SCN8A: variants seen among roughly 807,000 people sequenced by gnomAD.
SCN8A encodes sodium voltage-gated channel alpha subunit 8.
In SCN8A, 30 loss-of-function variants were observed where a neutral mutation model predicts 184.1. The observed-to-expected ratio is 0.16, with a 90% CI of 0.12 to 0.22. The LOEUF (loss-of-function observed/expected upper bound fraction) is 0.22, where lower values mean the gene tolerates loss of function less well. Among genes scored for constraint, SCN8A ranks in the 10% least tolerant of loss-of-function variants. The pLI is 1.00. For missense variants in SCN8A, 1,057 were observed against 2,498.9 expected (o/e 0.42, Z 12.30); for synonymous variants, 852 against 907.0 (o/e 0.94, Z 1.09).
chr12:51,639,973 T>C (rs1471945478), intron 1 of SCN8A, among the ~76,000 whole-genome samples: 1 of 126,360 alleles, frequency 7.9e-6, no homozygotes, highest in Non-Finnish European at 1.6e-5. Context: ...AGTGGCCCAA[T>C]CATGGCCCAC....
At chr12:51,591,452 T>A (rs1435555652) in intron 1 of SCN8A, 93 bp downstream of exon 1, 1 of 152,676 alleles carries the variant, frequency 6.5e-6, no homozygotes, top group Non-Finnish European at 1.5e-5. Context: ...CTCGCCCATC[T>A]CCAGTCAGGG....
chr12:51,706,670 G>T lies in SCN8A; in HGVS notation c.1590G>T (p.Arg530=). 3 of 1,595,524 alleles carry T rather than the reference G, an allele frequency of 1.9e-6. No individual in the cohort carries two copies. The highest frequency in any genetic ancestry group is 2.3e-5 in the South Asian group (2 of 86,870). Residue 530 remains arginine, a synonymous_variant, in exon 11 of 27, where the codon CGG becomes CGT. Coordinates refer to ENST00000627620, the MANE Select transcript of SCN8A (RefSeq NM_001330260.2). ...ATGGCATGAGAAGGAAGGCCTTTCG[G>T]CTGCCAGACAACAGAATAGGGAGGA... ...SEDGMRRKAF[R]LPDNRIGRKF... is the part of the protein sequence containing the mutation.
intron 10 of SCN8A, among the ~76,000 whole-genome samples, chr12:51,705,905 T>C (rs932544775): frequency 1.3e-5 from 2 of 152,216 alleles, no homozygotes; most frequent in African/African-American, 2.4e-5. Flanking sequence ...GGGCAGTTTA[T>C]ATAGTGTTTC....
chr12:51,775,714 T>G (rs58170618), intron 20 of SCN8A, among the ~76,000 whole-genome samples: 4,717 of 152,262 alleles, frequency 0.031, 226 homozygotes, highest in African/African-American at 0.11. Context: ...GTTCTCTTTC[T>G]GGAGAAAGGG....
chr12:51,670,443 C>T (rs1334086842), intron 2 of SCN8A, among the ~76,000 whole-genome samples: 2 of 152,088 alleles, frequency 1.3e-5, no homozygotes, highest in South Asian at 2.1e-4. Flanking sequence ...AAGAAAAATC[C>T]AGGTCATCTA....
intron 13 of SCN8A, among the ~76,000 whole-genome samples, 195 bp downstream of exon 13, chr12:51,746,230 C>T (rs1042923017): frequency 6.6e-6 from 1 of 152,110 alleles, no homozygotes; most frequent in Non-Finnish European, 1.5e-5. Context: ...AATATATGGG[C>T]TTCAGATATG....
At chr12:51,675,888 G>A (rs1284309576) in intron 2 of SCN8A, among the ~76,000 whole-genome samples, 3 of 152,188 alleles carry the variant, frequency 2.0e-5, no homozygotes, top group Non-Finnish European at 4.4e-5. Flanking sequence ...TAGAGTAGTT[G>A]TGAGACAATT....
chr12:51,608,316 C>T (rs1939643687), intron 1 of SCN8A, among the ~76,000 whole-genome samples: 1 of 152,004 alleles, frequency 6.6e-6, no homozygotes, highest in Non-Finnish European at 1.5e-5. Context: ...GGCCTGGTAC[C>T]AATTTTTCTT....
At chr12:51,764,176 TGATAA>T (rs1189122706) in intron 15 of SCN8A, among the ~76,000 whole-genome samples, 1 of 152,226 alleles carries the variant, frequency 6.6e-6, no homozygotes, top group African/African-American at 2.4e-5. Context: ...TTGAACTCTC[TGATAA>T]GATAACTTTT....
At chr12:51,802,543 T>C (rs1182570260) in intron 26 of SCN8A, among the ~76,000 whole-genome samples, 3 of 152,182 alleles carry the variant, frequency 2.0e-5, no homozygotes, top group Admixed American at 6.5e-5. Context: ...TTGTGTCTGA[T>C]TTTCCGCAAA....
chr12:51,762,297 G>T (rs1326501356), intron 14 of SCN8A, among the ~76,000 whole-genome samples: 1 of 152,140 alleles, frequency 6.6e-6, no homozygotes, highest in Non-Finnish European at 1.5e-5. Flanking sequence ...GAACTTTGGG[G>T]CTGGGGACTT....
At chr12:51,655,539 A>C (rs535549201) in intron 1 of SCN8A, among the ~76,000 whole-genome samples, 4 of 151,844 alleles carry the variant, frequency 2.6e-5, no homozygotes, top group East Asian at 1.9e-4. Flanking sequence ...GACCCAGATA[A>C]ATTTTTTTAC....
intron 1 of SCN8A, among the ~76,000 whole-genome samples, chr12:51,655,422 C>A (rs959620874): frequency 6.6e-6 from 1 of 151,822 alleles, no homozygotes; most frequent in African/African-American, 2.4e-5. Context: ...AGTTGTGTCA[C>A]CCAGGCTGTA....
At chr12:51,770,241 CTGTT>C (rs1235431037) in intron 18 of SCN8A, 1 of 591,834 alleles carries the variant, frequency 1.7e-6, no homozygotes, top group African/African-American at 1.9e-5. Flanking sequence ...TTAGAATGTC[CTGTT>C]CTGTCATGGC....
At chr12:51,712,661 T>C in intron 11 of SCN8A, 3 of 818,052 alleles carry the variant, frequency 3.7e-6, no homozygotes, top group East Asian at 4.8e-5. Flanking sequence ...TCCTCCTTCA[T>C]TGTAACCATC....
chr12:51,672,587 C>T (rs891435126), intron 2 of SCN8A, among the ~76,000 whole-genome samples: 4 of 152,130 alleles, frequency 2.6e-5, no homozygotes, highest in Non-Finnish European at 5.9e-5. Context: ...AGTTCGAGGA[C>T]TCCTGACTCT....
In SCN8A at chr12:51,690,533, A is replaced by T. The variant is rs1007879001; in HGVS notation, c.706+1437A>T. ...ACACCCAGCTCATTTTTAAAAAAAA[A>T]TTTTTTTGTAGAGACAGGGTCTCCC... is the stretch of plus-strand genomic sequence containing the variant. On this transcript the variant is annotated intron_variant, in intron 6 of 26. Coordinates refer to ENST00000627620, the MANE Select transcript of SCN8A (RefSeq NM_001330260.2). Among the ~76,000 whole-genome samples the T allele has an allele frequency of 6.7e-4, 101 of 151,140 alleles. 1 individual carries two copies. Among genetic ancestry groups the T allele is most frequent in the African/African-American group, 6.6e-4 (27 of 41,036 alleles).
intron 6 of SCN8A, among the ~76,000 whole-genome samples, chr12:51,695,790 T>C (rs560780993): frequency 1.3e-5 from 2 of 152,344 alleles, no homozygotes; most frequent in South Asian, 4.1e-4. Flanking sequence ...CTCAACTGTC[T>C]CTTATCCTGT....
chr12:51,736,418 G>T (rs1191051596), intron 12 of SCN8A, among the ~76,000 whole-genome samples: 2 of 152,226 alleles, frequency 1.3e-5, no homozygotes, highest in Non-Finnish European at 2.9e-5. Context: ...ATAGAGTTAG[G>T]TTACAGTCCT....
Sources: gnomAD v4.1 joint callset for allele counts (sites outside exome capture counted in the v4.1 genomes callset) on GRCh38, gnomAD v4.1.1 for gene constraint, MANE v1.5 for transcripts, NCBI Gene and HGNC (gene_info 2026-07-23, HGNC 2026-07-21) for gene names.